Variants in RHOT1 observed in about 807,000 individuals in gnomAD.
RHOT1 encodes mitochondrial Rho GTPase 1.
A neutral mutation model predicts 95.3 loss-of-function variants in RHOT1; 27 were observed. The ratio of observed to expected loss-of-function variants is 0.28; its 90% CI spans 0.21 to 0.39. The LOEUF (loss-of-function observed/expected upper bound fraction) is 0.39. RHOT1 is among the 10% of genes least tolerant of loss of function. The pLI is 1.00. For missense variants in RHOT1, 578 were observed against 786.7 expected, an observed-to-expected ratio of 0.73 and a Z score of 3.17; for synonymous variants, 227 against 263.5, an observed-to-expected ratio of 0.86 and a Z score of 1.34.
At chr17:32,217,190 C>T (rs755629878) in intron 19 of RHOT1, among the ~76,000 whole-genome samples, 13 of 152,270 alleles carry the variant, frequency 8.5e-5, no homozygotes, top group African/African-American at 1.2e-4. Flanking sequence ...CTTGGTGAAG[C>T]ATTTCTTGAC....
chr17:32,217,613 G>T (rs2038555208), intron 19 of RHOT1, among the ~76,000 whole-genome samples: 1 of 151,652 alleles, frequency 6.6e-6, no homozygotes, highest in Non-Finnish European at 1.5e-5. Flanking sequence ...AAATTAGCTG[G>T]GCGTGGTGGT....
intron 1 of RHOT1, among the ~76,000 whole-genome samples, chr17:32,166,619 T>C (rs1229620877): frequency 2.0e-5 from 3 of 152,256 alleles, no homozygotes; most frequent in Non-Finnish European, 4.4e-5. Flanking sequence ...AGGTCCTTTG[T>C]TGTCATTTCA....
chr17:32,190,087 G>A (rs1183484142), intron 8 of RHOT1, among the ~76,000 whole-genome samples: 3 of 151,972 alleles, frequency 2.0e-5, no homozygotes, highest in Non-Finnish European at 4.4e-5. Flanking sequence ...TACATTTTCA[G>A]GTGGTTAGTT....
chr17:32,157,218 A>G (rs2033053739), intron 1 of RHOT1, among the ~76,000 whole-genome samples: 1 of 152,214 alleles, frequency 6.6e-6, no homozygotes, highest in Non-Finnish European at 1.5e-5. Context: ...CTCCAAAGTA[A>G]TCATCCGCAT....
intron 1 of RHOT1, among the ~76,000 whole-genome samples, chr17:32,161,149 TAGTCTCCCAGA>T (rs2033512505): frequency 6.6e-6 from 1 of 152,158 alleles, no homozygotes; most frequent in South Asian, 2.1e-4. Context: ...TCACGCAAAT[TAGTCTCCCAGA>T]AGGCTCAGAG....
At chr17:32,190,519 T>G (rs2036410084) in intron 8 of RHOT1, among the ~76,000 whole-genome samples, 1 of 152,306 alleles carries the variant, frequency 6.6e-6, no homozygotes, top group East Asian at 1.9e-4. Context: ...AATGTATCCC[T>G]TTATTATGTG....
chr17:32,197,660 C>T (rs1305706388), intron 11 of RHOT1, among the ~76,000 whole-genome samples: 1 of 152,130 alleles, frequency 6.6e-6, no homozygotes, highest in Non-Finnish European at 1.5e-5. Context: ...AATCTCTTGA[C>T]CTCGTGATCT....
chr17:32,192,894 T>C (rs2036603098), intron 9 of RHOT1, among the ~76,000 whole-genome samples: 1 of 151,918 alleles, frequency 6.6e-6, no homozygotes, highest in Non-Finnish European at 1.5e-5. Flanking sequence ...GTGGACTCGA[T>C]CTCCTCGTGA....
At chr17:32,172,596 G>T (rs894247449) in intron 2 of RHOT1, among the ~76,000 whole-genome samples, 1 of 152,224 alleles carries the variant, frequency 6.6e-6, no homozygotes, top group Non-Finnish European at 1.5e-5. Context: ...ACTTTGGGAG[G>T]CTGAGGTGGC....
chr17:32,218,215 G>A (rs370198008), intron 19 of RHOT1, among the ~76,000 whole-genome samples: 18 of 151,940 alleles, frequency 1.2e-4, no homozygotes, highest in Non-Finnish European at 1.8e-4. Context: ...AGGGCCAAGC[G>A]CAGTGGCTCA....
At chr17:32,180,675 A>G (rs1254123885) in intron 6 of RHOT1, among the ~76,000 whole-genome samples, 1 of 150,552 alleles carries the variant, frequency 6.6e-6, no homozygotes, top group African/African-American at 2.5e-5. Context: ...AGAAATAATA[A>G]ATGCTTATTT....
intron 1 of RHOT1, chr17:32,150,520 C>T: frequency 7.0e-7 from 1 of 1,435,854 alleles, no homozygotes; most frequent in South Asian, 1.2e-5. Flanking sequence ...CCTTATCATA[C>T]TGGGCCAGGT....
chr17:32,155,757 A>T (rs1455832197), intron 1 of RHOT1, among the ~76,000 whole-genome samples: 2 of 151,220 alleles, frequency 1.3e-5, no homozygotes, highest in Non-Finnish European at 2.9e-5. Context: ...GTCCAGGCTG[A>T]TCTTGAACTC....
At chr17:32,208,870 C>G (rs1297748071) in intron 18 of RHOT1, 1 of 156,138 alleles carries the variant, frequency 6.4e-6, no homozygotes. Context: ...TATTATATAT[C>G]TATACATGCA....
chr17:32,144,472 C>A (rs1304004138), intron 1 of RHOT1, among the ~76,000 whole-genome samples: 1 of 152,122 alleles, frequency 6.6e-6, no homozygotes, highest in Non-Finnish European at 1.5e-5. Context: ...CACTTGAACC[C>A]TGGAGGAGGA....
intron 14 of RHOT1, among the ~76,000 whole-genome samples, chr17:32,202,218 G>A (rs1340213008): frequency 3.3e-5 from 5 of 152,052 alleles, no homozygotes; most frequent in Non-Finnish European, 7.4e-5. Context: ...CTCTAAGAAG[G>A]TCTCTTTACC....
intron 1 of RHOT1, among the ~76,000 whole-genome samples, chr17:32,168,750 A>G (rs1010539285): frequency 6.6e-6 from 1 of 152,016 alleles, no homozygotes; most frequent in Non-Finnish European, 1.5e-5. Context: ...AAAGTATGGC[A>G]CAAGAAAGAG....
At chr17:32,168,598 C>T (rs1261672151) in intron 1 of RHOT1, among the ~76,000 whole-genome samples, 1 of 149,126 alleles carries the variant, frequency 6.7e-6, no homozygotes, top group Non-Finnish European at 1.5e-5. Flanking sequence ...CACACAAACA[C>T]ATATATGTAA....
Position 32,176,160 on chromosome 17 carries a change from G to C in RHOT1, c.277-1G>C, listed in dbSNP as rs377386929. On this transcript the variant is annotated splice_acceptor_variant, in intron 5 of 19. Transcript: ENST00000545287. LOFTEE classifies it high-confidence loss of function. ...TAAGCGCTTGTTAATTTTCATTTTA[G>C]GTAACAAGTCGATGGATTCCTCTCA... 1 of 1,610,818 alleles carries C rather than the reference G, an allele frequency of 6.2e-7. No homozygotes were observed. The highest frequency in any genetic ancestry group is 2.2e-5 in the East Asian group (1 of 44,758).
Sources: gnomAD v4.1 joint callset for allele counts (sites outside exome capture counted in the v4.1 genomes callset) on GRCh38, gnomAD v4.1.1 for gene constraint, MANE v1.5 for transcripts, NCBI Gene and HGNC (gene_info 2026-07-23, HGNC 2026-07-21) for gene names.